PARL: variants seen among roughly 807,000 people sequenced by gnomAD.
PARL encodes presenilin associated rhomboid like, also known as presenilin-associated rhomboid-like protein, mitochondrial.
A neutral mutation model predicts 51.6 loss-of-function variants in PARL; 44 were observed. That is an observed-to-expected ratio of 0.85 (90% confidence interval 0.67 to 1.10). PARL has a LOEUF of 1.10. Ranked by LOEUF, PARL falls within the 50% of genes least tolerant of loss-of-function variation. The pLI is 0.00. For missense variants in PARL, 441 were observed against 469.5 expected (o/e 0.94, Z 0.56); for synonymous variants, 172 against 164.0 (o/e 1.05, Z -0.37).
intron 5 of PARL, among the ~76,000 whole-genome samples, chr3:183,843,942 G>C (rs903431284): frequency 8.5e-5 from 13 of 152,292 alleles, no homozygotes; most frequent in African/African-American, 2.9e-4. Context: ...GGGAGGCTGA[G>C]GCAGGAGAAT....
In PARL at chr3:183,844,291, A is replaced by G; in HGVS notation, c.547T>C (p.Trp183Arg). 1 of 1,607,318 alleles carries G rather than the reference A, an allele frequency of 6.2e-7. No individual in the cohort carries two copies. ...IAANVLVFCL[W>R]RVPSLQRTMI... is the part of the protein sequence containing the mutation. ...GTCCGCTGCAGAGAAGGTACTCTCC[A>G]TAAACAGAATACAAGGACATTTGCA... Residue 183 changes from tryptophan (W) to arginine (R), a missense_variant, in exon 5 of 10, where the codon TGG becomes CGG. Physicochemically the swap from Trp to Arg is moderately radical, Grantham distance 101. Transcript: ENST00000317096.
At chr3:183,835,388 A>C (rs1240282182) in intron 7 of PARL, among the ~76,000 whole-genome samples, 1 of 152,214 alleles carries the variant, frequency 6.6e-6, no homozygotes, top group African/African-American at 2.4e-5. Flanking sequence ...AATTATTATG[A>C]GTCCCAGAGA....
chr3:183,848,377 G>T (rs1366573997), intron 4 of PARL, among the ~76,000 whole-genome samples: 1 of 152,132 alleles, frequency 6.6e-6, no homozygotes, highest in African/African-American at 2.4e-5. Flanking sequence ...GAGTAGCTGG[G>T]ACTACAGGCA....
At chr3:183,832,963 T>C (rs899974106) in intron 9 of PARL, among the ~76,000 whole-genome samples, 4 of 152,128 alleles carry the variant, frequency 2.6e-5, no homozygotes, top group African/African-American at 9.7e-5. Context: ...AGTAATAGTA[T>C]AACATAAGGG....
intron 2 of PARL, 30 bp from the exon 3 acceptor site, chr3:183,866,795 G>C (rs1225716492): frequency 6.9e-7 from 1 of 1,448,218 alleles, no homozygotes; most frequent in Non-Finnish European, 9.7e-7. Context: ...TTACAAAATA[G>C]ATTTAAGAGG....
intron 3 of PARL, among the ~76,000 whole-genome samples, chr3:183,866,319 T>A (rs1174191923): frequency 6.6e-6 from 1 of 152,220 alleles, no homozygotes; most frequent in East Asian, 1.9e-4. Context: ...TTGACATCTA[T>A]TAATCTGATG....
intron 4 of PARL, among the ~76,000 whole-genome samples, chr3:183,858,007 G>A (rs552905516): frequency 1.4e-4 from 21 of 152,278 alleles, no homozygotes; most frequent in African/African-American, 4.8e-4. Context: ...GCCGTTCCTT[G>A]CCCCATCTGA....
At chr3:183,834,886 CAAAAAAAAA>C (rs60078452) in intron 7 of PARL, among the ~76,000 whole-genome samples, 9 of 108,634 alleles carry the variant, frequency 8.3e-5, no homozygotes, top group African/African-American at 2.7e-4. Flanking sequence ...ACTAAAAATA[CAAAAAAAAA>C]AAAAAAAAAA....
intron 1 of PARL, among the ~76,000 whole-genome samples, chr3:183,881,618 CA>C (rs1734442033): frequency 6.6e-6 from 1 of 152,172 alleles, no homozygotes; most frequent in South Asian, 2.1e-4. Context: ...GAGCCCGAGG[CA>C]TGGTAGTGTG....
intron 3 of PARL, among the ~76,000 whole-genome samples, chr3:183,865,882 CTTTTT>C (rs35207471): frequency 1.4e-5 from 2 of 141,866 alleles, no homozygotes; most frequent in African/African-American, 5.2e-5. Flanking sequence ...AATTTCTTTT[CTTTTT>C]TTTTTTTTTT....
intron 1 of PARL, chr3:183,879,903 GTA>G (rs1734251370): frequency 1.5e-5 from 1 of 65,548 alleles, no homozygotes; most frequent in African/African-American, 5.8e-5. Context: ...TTTTTTTTTT[GTA>G]TTTTTAGTAG....
chr3:183,869,014 C>T (rs946548506), intron 1 of PARL, among the ~76,000 whole-genome samples: 9 of 152,124 alleles, frequency 5.9e-5, no homozygotes, highest in African/African-American at 1.7e-4. Context: ...CCTCCTAGTC[C>T]TAGCTTCTGT....
chr3:183,862,144 CA>C (rs1267390364), intron 4 of PARL, among the ~76,000 whole-genome samples: 1 of 152,140 alleles, frequency 6.6e-6, no homozygotes, highest in Admixed American at 6.5e-5. Context: ...CTTGAAGAGC[CA>C]AATCTGTCTT....
chr3:183,840,539 A>C (rs759109949), intron 7 of PARL, 31 bp downstream of exon 7: 10 of 1,085,502 alleles, frequency 9.2e-6, no homozygotes, highest in Non-Finnish European at 1.2e-5. Context: ...TAAAAATTAA[A>C]TTAAAAAAAA....
chr3:183,874,610 T>C (rs1314370601), intron 1 of PARL, among the ~76,000 whole-genome samples: 1 of 152,112 alleles, frequency 6.6e-6, no homozygotes, highest in Non-Finnish European at 1.5e-5. Context: ...GGTTTCGCCA[T>C]GTTGGCCAGG....
intron 7 of PARL, among the ~76,000 whole-genome samples, chr3:183,839,360 T>G (rs1469879781): frequency 6.6e-6 from 1 of 152,212 alleles, no homozygotes; most frequent in African/African-American, 2.4e-5. Flanking sequence ...AAGATTTCCA[T>G]GTGCCCAGAA....
intron 7 of PARL, among the ~76,000 whole-genome samples, chr3:183,835,662 T>C (rs1310963031): frequency 6.6e-6 from 1 of 151,152 alleles, no homozygotes; most frequent in Non-Finnish European, 1.5e-5. Context: ...AGGTCAGGAG[T>C]TCAAGACCAG....
At chr3:183,842,873 CTTT>C (rs550073931) in intron 5 of PARL, among the ~76,000 whole-genome samples, 1 of 123,414 alleles carries the variant, frequency 8.1e-6, no homozygotes, top group Non-Finnish European at 1.7e-5. Flanking sequence ...ATTTTTAAGA[CTTT>C]TTTTTTTTTT....
chr3:183,840,049 C>T (rs1205533846), intron 7 of PARL, among the ~76,000 whole-genome samples: 1 of 152,146 alleles, frequency 6.6e-6, no homozygotes, highest in Non-Finnish European at 1.5e-5. Context: ...TTTTTTTAAG[C>T]ATCCAGAATA....
Sources: allele counts gnomAD v4.1 joint callset (sites outside exome capture counted in the v4.1 genomes callset), GRCh38; gene constraint gnomAD v4.1.1; transcripts MANE v1.5; gene names NCBI Gene and HGNC (gene_info 2026-07-23, HGNC 2026-07-21).